PLEKHM3: variants seen among roughly 807,000 people sequenced by gnomAD.
PLEKHM3 encodes the protein pleckstrin homology domain containing M3.
Under a neutral mutation model 81.8 loss-of-function variants are expected in PLEKHM3, and 45 were observed. The observed-to-expected ratio is 0.55, with a 90% confidence interval of 0.43 to 0.71. The LOEUF (loss-of-function observed/expected upper bound fraction) is 0.71. Ranked by LOEUF, PLEKHM3 falls within the 30% of genes least tolerant of loss-of-function variation. PLEKHM3 has a pLI of 0.00. For missense variants in PLEKHM3, 788 were observed against 924.3 expected (o/e 0.85, Z 1.91); for synonymous variants, 352 against 356.4 (o/e 0.99, Z 0.14).
At position 207,827,014 on chromosome 2, in the gene PLEKHM3, C is replaced by T. The variant is rs1374321986; in HGVS notation, c.*1305G>A. The T allele has an allele frequency of 6.6e-6, 1 of 152,138 alleles. No individual in the cohort carries two copies. Among genetic ancestry groups the T allele is most frequent in the Non-Finnish European group, 1.5e-5 (1 of 68,040 alleles). 9.4% of individuals were successfully genotyped at this position (152,138 alleles called of 1,614,324 possible). A position where few individuals can be genotyped will look rare whatever the true frequency, so the allele number is the denominator to read the frequency against. On this transcript the variant is annotated 3_prime_UTR_variant, in exon 8 of 8. Coordinates refer to ENST00000427836, the MANE Select transcript of PLEKHM3 (RefSeq NM_001080475.3). ...GAACACTACCTGCCAAATAGCAAAG[C>T]AGATCTCTTTCTTACTCCTATTATT...
At chr2:207,950,634 C>T (rs184369825) in intron 3 of PLEKHM3, among the ~76,000 whole-genome samples, 41 of 152,206 alleles carry the variant, frequency 2.7e-4, no homozygotes, top group African/African-American at 9.6e-4. Context: ...AGGATTGCTC[C>T]CTGATTTCTA....
intron 6 of PLEKHM3, among the ~76,000 whole-genome samples, chr2:207,885,394 T>G (rs1361898882): frequency 6.6e-6 from 1 of 152,240 alleles, no homozygotes; most frequent in Non-Finnish European, 1.5e-5. Context: ...TTGCTTGACA[T>G]GGGGCATTTT....
chr2:207,906,415 A>C (rs908586283), intron 6 of PLEKHM3, among the ~76,000 whole-genome samples: 1 of 152,230 alleles, frequency 6.6e-6, no homozygotes, highest in African/African-American at 2.4e-5. Context: ...AACTTGACAC[A>C]TAAATGGAAA....
intron 4 of PLEKHM3, among the ~76,000 whole-genome samples, chr2:207,933,485 T>C (rs1689654623): frequency 6.6e-6 from 1 of 152,182 alleles, no homozygotes; most frequent in Non-Finnish European, 1.5e-5. Flanking sequence ...AATGATGTAT[T>C]GTACAATTCA....
At chr2:207,921,230 G>A (rs139639948) in intron 5 of PLEKHM3, among the ~76,000 whole-genome samples, 4,125 of 152,010 alleles carry the variant, frequency 0.027, 196 homozygotes, top group African/African-American at 0.093. Flanking sequence ...TGTATTTTTC[G>A]CAGAGACGGG....
intron 4 of PLEKHM3, among the ~76,000 whole-genome samples, chr2:207,945,482 C>T (rs1337098330): frequency 2.0e-5 from 3 of 152,248 alleles, no homozygotes; most frequent in South Asian, 2.1e-4. Flanking sequence ...GCTCAGTGTA[C>T]TGTTCCTTAC....
Position 207,946,431 on chromosome 2 carries a change from TG to T in PLEKHM3, c.1627del (p.His543ThrfsTer12), listed in dbSNP as rs780050420. On this transcript the variant is annotated frameshift_variant, in exon 4 of 8. Coordinates refer to ENST00000427836, the MANE Select transcript of PLEKHM3 (RefSeq NM_001080475.3). LOFTEE classifies it high-confidence loss of function. ...YSGWYYCSSC[H>X]VDDSFLIPAR... ...TGGAATGAGAAAGCTGTCATCCACG[TG>T]GCAGCTACTGCAGTAATACCACCCA... The T allele has an allele frequency of 6.2e-7, 1 of 1,614,206 alleles. No homozygotes were observed. The highest frequency in any genetic ancestry group is 1.3e-5 in the African/African-American group (1 of 75,058).
intron 5 of PLEKHM3, among the ~76,000 whole-genome samples, chr2:207,915,512 G>A (rs1688960036): frequency 6.6e-6 from 1 of 152,108 alleles, no homozygotes; most frequent in African/African-American, 2.4e-5. Context: ...CCTTTGCAAG[G>A]TTCTGATAGA....
At chr2:207,933,737 T>C (rs1223463413) in intron 4 of PLEKHM3, among the ~76,000 whole-genome samples, 1 of 152,196 alleles carries the variant, frequency 6.6e-6, no homozygotes, top group Non-Finnish European at 1.5e-5. Context: ...TCAGTATTCA[T>C]AAACTGAAAT....
At chr2:207,992,441 T>C (rs537094807) in intron 2 of PLEKHM3, among the ~76,000 whole-genome samples, 4 of 152,348 alleles carry the variant, frequency 2.6e-5, no homozygotes, top group South Asian at 2.1e-4. Flanking sequence ...GTATTAATAA[T>C]AACAAACTTC....
intron 6 of PLEKHM3, among the ~76,000 whole-genome samples, chr2:207,901,861 G>A (rs867670153): frequency 6.6e-6 from 1 of 152,204 alleles, no homozygotes; most frequent in African/African-American, 2.4e-5. Context: ...TGGAGGCCTC[G>A]TTCCTGTCTC....
At position 207,826,222 on chromosome 2, in the gene PLEKHM3, C is replaced by A. The variant is rs920160179; in HGVS notation, c.*2097G>T. The A allele has an allele frequency of 7.9e-5, 12 of 152,170 alleles. No individual in the cohort carries two copies. 9.4% of individuals were successfully genotyped at this position (152,170 alleles called of 1,614,324 possible). On this transcript the variant is annotated 3_prime_UTR_variant, in exon 8 of 8. Coordinates refer to ENST00000427836, the MANE Select transcript of PLEKHM3 (RefSeq NM_001080475.3). ...GGGAGCACATCTGTTTTATAATAAG[C>A]AGGTCTATAATTCTCTTGTGAAAGA...
chr2:207,947,151 T>C (rs1690159871), intron 3 of PLEKHM3, among the ~76,000 whole-genome samples: 1 of 152,200 alleles, frequency 6.6e-6, no homozygotes, highest in African/African-American at 2.4e-5. Context: ...CTCCCACTAC[T>C]GTCCAATGGG....
intron 3 of PLEKHM3, among the ~76,000 whole-genome samples, chr2:207,958,259 T>C (rs559767463): frequency 3.2e-4 from 48 of 152,170 alleles, no homozygotes; most frequent in African/African-American, 1.1e-3. Flanking sequence ...TCTACTAGAC[T>C]ACCTGCTAGT....
intron 6 of PLEKHM3, among the ~76,000 whole-genome samples, chr2:207,876,034 C>A (rs902766362): frequency 5.5e-4 from 84 of 152,284 alleles, no homozygotes; most frequent in African/African-American, 1.9e-3. Flanking sequence ...GTGGCATAGT[C>A]TGATCCCATT....
At chr2:207,865,383 G>A (rs1210341689) in intron 6 of PLEKHM3, among the ~76,000 whole-genome samples, 4 of 151,944 alleles carry the variant, frequency 2.6e-5, no homozygotes, top group African/African-American at 4.8e-5. Context: ...CACCACAATC[G>A]ATTTTAGGGC....
At chr2:207,946,813 G>A (rs755918249) in intron 3 of PLEKHM3, among the ~76,000 whole-genome samples, 12 of 152,048 alleles carry the variant, frequency 7.9e-5, no homozygotes, top group Non-Finnish European at 1.5e-4. Flanking sequence ...CTACAACCTC[G>A]CCTTTATCTC....
chr2:207,981,797 G>A (rs983838438), intron 2 of PLEKHM3, among the ~76,000 whole-genome samples: 3 of 152,098 alleles, frequency 2.0e-5, no homozygotes, highest in Non-Finnish European at 2.9e-5. Flanking sequence ...TTCTTTTAAA[G>A]TATTCAATTT....
chr2:207,995,391 C>T (rs1427632062), intron 2 of PLEKHM3, among the ~76,000 whole-genome samples: 2 of 152,136 alleles, frequency 1.3e-5, no homozygotes, highest in African/African-American at 4.8e-5. Context: ...GTACTGATCC[C>T]CACCAACTAC....
Sources: allele counts gnomAD v4.1 joint callset (sites outside exome capture counted in the v4.1 genomes callset), GRCh38; gene constraint gnomAD v4.1.1; transcripts MANE v1.5; gene names NCBI Gene and HGNC (gene_info 2026-07-23, HGNC 2026-07-21).